Variants in TSPEAR observed in about 807,000 individuals in gnomAD.
TSPEAR encodes the protein thrombospondin type laminin G domain and EAR repeats.
Under a neutral mutation model 71.6 loss-of-function variants are expected in TSPEAR, and 69 were observed. The ratio of observed to expected loss-of-function variants is 0.96; its 90% CI spans 0.79 to 1.18. The LOEUF (loss-of-function observed/expected upper bound fraction) is 1.18. Among genes scored for constraint, TSPEAR ranks in the 50% most tolerant of loss-of-function variants. The probability of loss-of-function intolerance (pLI) is 0.00; values close to 1 mark genes in which losing one functional copy is unlikely to be tolerated. For synonymous variants in TSPEAR, 402 were observed against 387.2 expected (o/e 1.04, Z -0.45); for missense variants, 971 against 894.9 (o/e 1.09, Z -1.09).
chr21:44,617,073 CCACT>C (rs1982149265), intron 1 of TSPEAR, among the ~76,000 whole-genome samples: 1 of 152,052 alleles, frequency 6.6e-6, no homozygotes, highest in African/African-American at 2.4e-5. Flanking sequence ...ACTCACTCAC[CCACT>C]CACTCACCTC....
intron 10 of TSPEAR, chr21:44,508,888 GC>G: frequency 6.8e-7 from 1 of 1,461,956 alleles, no homozygotes; most frequent in Non-Finnish European, 9.2e-7. Flanking sequence ...CGCACGACGG[GC>G]ATGAAGCCCC....
Position 44,567,787 on chromosome 21 carries a change from T to G in TSPEAR, c.301A>C (p.Lys101Gln). Residue 101 changes from lysine to glutamine, a missense_variant and splice_region_variant, in exon 2 of 12, where the codon AAG becomes CAG. Physicochemically the swap from Lys to Gln is moderately conservative, Grantham distance 53 (BLOSUM62 1). Coordinates refer to ENST00000323084, the MANE Select transcript of TSPEAR (RefSeq NM_144991.3). Reference protein sequence around the residue: ...VTLRVPNLPPKRNEYLLTVVA... With the variant: ...VTLRVPNLPPQRNEYLLTVVA... ...GAAGTGCAGAAAGTGCCACTGACCT[T>G]GGGTGGAAGATTGGGAACTCTCAAA... 6.4e-7 allele frequency: 1 copy of G among 1,564,002 alleles called. No individual in the cohort carries two copies. Among genetic ancestry groups the G allele is most frequent in the Non-Finnish European group, 8.7e-7 (1 of 1,152,830 alleles).
chr21:44,599,171 T>TCTCTCTCTCTCTCTCTCTCTCTCTCC lies in TSPEAR; in HGVS notation c.83-31167_83-31166insGGAGAGAGAGAGAGAGAGAGAGAGAG, dbSNP rs1569210763. Among the ~76,000 whole-genome samples the TCTCTCTCTCTCTCTCTCTCTCTCTCC allele has an allele frequency of 8.0e-5, 10 of 125,144 alleles. 1 individual carries two copies. The East Asian group carries it at 1.9e-3, about 23-fold the overall frequency. 82.1% of individuals were successfully genotyped at this position (125,144 alleles called of 152,430 possible). ...CTCTCTCTCTCTCTCTCTCTCTCTC[T>TCTCTCTCTCTCTCTCTCTCTCTCTCC]CCTTCCATCCCATAGGACCAGATCC... On this transcript the variant is annotated intron_variant, in intron 1 of 11. Transcript: ENST00000323084.
intron 1 of TSPEAR, among the ~76,000 whole-genome samples, chr21:44,577,177 GAGA>G (rs1555924084): frequency 6.6e-6 from 1 of 152,180 alleles, no homozygotes; most frequent in Non-Finnish European, 1.5e-5. Context: ...TGTTTTATTA[GAGA>G]AGAAGGCCTA....
chr21:44,559,787 T>G (rs1457679327), intron 2 of TSPEAR, among the ~76,000 whole-genome samples: 1 of 152,188 alleles, frequency 6.6e-6, no homozygotes, highest in Non-Finnish European at 1.5e-5. Context: ...CTCCTCACTC[T>G]ATGATCGCTA....
intron 1 of TSPEAR, among the ~76,000 whole-genome samples, chr21:44,657,271 C>A (rs1985207082): frequency 6.6e-6 from 1 of 152,220 alleles, no homozygotes; most frequent in South Asian, 2.1e-4. Flanking sequence ...AGGCCAAGAC[C>A]TCGTTGCTGC....
chr21:44,523,502 G>A (rs1459432309), intron 8 of TSPEAR, among the ~76,000 whole-genome samples: 2 of 151,704 alleles, frequency 1.3e-5, no homozygotes, highest in South Asian at 2.1e-4. Context: ...CGGTCAGGTA[G>A]GCAGTCAGTC....
intron 1 of TSPEAR, among the ~76,000 whole-genome samples, chr21:44,652,166 G>A (rs1189284840): frequency 2.0e-5 from 3 of 152,036 alleles, no homozygotes; most frequent in African/African-American, 7.2e-5. Flanking sequence ...TGTATTTTTA[G>A]TAGAGACGGG....
At chr21:44,553,960 T>C (rs2053486446) in intron 2 of TSPEAR, among the ~76,000 whole-genome samples, 3 of 152,264 alleles carry the variant, frequency 2.0e-5, no homozygotes, top group South Asian at 4.1e-4. Flanking sequence ...ATAACAGCGA[T>C]GTATTTTCAC....
At chr21:44,526,312 AG>A (rs1381384206) in intron 7 of TSPEAR, among the ~76,000 whole-genome samples, 2 of 152,186 alleles carry the variant, frequency 1.3e-5, no homozygotes, top group Non-Finnish European at 2.9e-5. Context: ...ATACAGAATG[AG>A]GGGCAAGGTG....
chr21:44,654,246 C>A (rs782224181), intron 1 of TSPEAR: 3 of 1,577,366 alleles, frequency 1.9e-6, no homozygotes, highest in African/African-American at 2.7e-5. Flanking sequence ...TCTGACCTCG[C>A]ACCTACGAGG....
chr21:44,569,350 G>A (rs935004774), intron 1 of TSPEAR, among the ~76,000 whole-genome samples: 1 of 152,176 alleles, frequency 6.6e-6, no homozygotes, highest in Admixed American at 6.5e-5. Context: ...GGGTGTAACG[G>A]GCACTTACAA....
At chr21:44,590,325 G>T (rs1313802512) in intron 1 of TSPEAR, among the ~76,000 whole-genome samples, 1 of 150,878 alleles carries the variant, frequency 6.6e-6, no homozygotes, top group Non-Finnish European at 1.5e-5. Context: ...GGCAGACAGA[G>T]CTGAGGGCTA....
intron 1 of TSPEAR, among the ~76,000 whole-genome samples, chr21:44,608,061 G>A (rs1555930146): frequency 6.6e-6 from 1 of 152,136 alleles, no homozygotes; most frequent in Non-Finnish European, 1.5e-5. Context: ...GTCAGGAGGG[G>A]TGGGGATTGA....
At chr21:44,709,293 C>T (rs1297345362) in intron 1 of TSPEAR, among the ~76,000 whole-genome samples, 5 of 152,242 alleles carry the variant, frequency 3.3e-5, no homozygotes, top group African/African-American at 1.2e-4. Context: ...GGACCACAGG[C>T]TCCTTACAAG....
intron 1 of TSPEAR, among the ~76,000 whole-genome samples, chr21:44,691,751 A>G (rs1987132230): frequency 6.6e-6 from 1 of 152,346 alleles, no homozygotes; most frequent in South Asian, 2.1e-4. Flanking sequence ...ACTCCACCCA[A>G]CAACAGCTTT....
intron 1 of TSPEAR, among the ~76,000 whole-genome samples, chr21:44,693,787 A>G (rs1395234007): frequency 6.6e-6 from 1 of 152,202 alleles, no homozygotes; most frequent in Admixed American, 6.5e-5. Context: ...TAAACATAGA[A>G]TTACCACATG....
chr21:44,573,718 C>T (rs1220558977), intron 1 of TSPEAR: 6 of 1,590,824 alleles, frequency 3.8e-6, no homozygotes, highest in Admixed American at 1.7e-5. Flanking sequence ...CCACTCCCTC[C>T]CATCTCCCCC....
At chr21:44,560,011 A>G (rs1376907980) in intron 2 of TSPEAR, among the ~76,000 whole-genome samples, 5 of 152,132 alleles carry the variant, frequency 3.3e-5, no homozygotes, top group African/African-American at 7.2e-5. Context: ...ATATTATTTC[A>G]TAGAAATAAT....
Sources: gnomAD v4.1 joint callset for allele counts (sites outside exome capture counted in the v4.1 genomes callset) on GRCh38, gnomAD v4.1.1 for gene constraint, MANE v1.5 for transcripts, NCBI Gene and HGNC (gene_info 2026-07-23, HGNC 2026-07-21) for gene names.